The following ST8SIA2 variants were observed in gnomAD, a reference collection of about 807,000 sequenced individuals.
ST8SIA2 encodes the protein ST8 alpha-N-acetyl-neuraminide alpha-2,8-sialyltransferase 2, also known as alpha-2,8-sialyltransferase 8B.
ST8SIA2 carries 22 observed loss-of-function variants against 37.6 expected under a neutral mutation model. The ratio of observed to expected loss-of-function variants is 0.58; its 90% CI spans 0.42 to 0.83. The LOEUF is 0.83. ST8SIA2 is among the 40% of genes least tolerant of loss of function. The pLI, the probability that ST8SIA2 is intolerant of heterozygous loss-of-function variation, is 0.00. For missense variants in ST8SIA2, 382 were observed against 484.7 expected (o/e 0.79, Z 1.99); for synonymous variants, 205 against 201.2 (o/e 1.02, Z -0.16).
rs183542291 is a variant in ST8SIA2, at chr15:92,407,488, A to G, written c.98+13326A>G. Among the ~76,000 whole-genome samples the G allele has an allele frequency of 3.3e-4, 50 of 152,304 alleles. 1 individual carries two copies. Among genetic ancestry groups the G allele is most frequent in the Admixed American group, 2.9e-3 (45 of 15,304 alleles). On this transcript the variant is annotated intron_variant, in intron 1 of 5. Coordinates refer to ENST00000268164, the MANE Select transcript of ST8SIA2 (RefSeq NM_006011.4). ...ATCAGCTGTGTCATTAAGCCCTCCAATGAGCTTGGCTGGGATGCGATCTTT... is the reference window on the plus strand; with the variant it reads ...ATCAGCTGTGTCATTAAGCCCTCCAGTGAGCTTGGCTGGGATGCGATCTTT...
chr15:92,459,843 C>T (rs1239386664), intron 5 of ST8SIA2, among the ~76,000 whole-genome samples: 1 of 152,226 alleles, frequency 6.6e-6, no homozygotes, highest in Non-Finnish European at 1.5e-5. Flanking sequence ...CCGCCCGCCT[C>T]AGCCTCTCAA....
In ST8SIA2 at chr15:92,444,922, G is replaced by A. The variant is rs772349659; in HGVS notation, c.835G>A (p.Val279Ile). 15 of 1,610,732 alleles carry A rather than the reference G, an allele frequency of 9.3e-6. No homozygotes were observed. Among genetic ancestry groups the A allele is most frequent in the African/African-American group, 1.3e-5 (1 of 74,934 alleles). ...AYPSLRLLHAVRGYWLTNKVH... is the reference protein window; with the variant it reads ...AYPSLRLLHAIRGYWLTNKVH... ...CCCCTCGCTGCGCCTGCTGCACGCC[G>A]TTCGCGGGTGAGCGGCCTCCCTACA... is the stretch of plus-strand genomic sequence containing the variant. Residue 279 changes from valine (V) to isoleucine (I), a missense_variant, in exon 5 of 6, where the codon GTT becomes ATT. Physicochemically the swap from Val to Ile is conservative, Grantham distance 29. Transcript: ENST00000268164.
intron 1 of ST8SIA2, among the ~76,000 whole-genome samples, chr15:92,427,469 C>G (rs112285577): frequency 1.4e-4 from 21 of 152,182 alleles, no homozygotes; most frequent in Non-Finnish European, 3.1e-4. Context: ...ATGAAAGAAA[C>G]TGGGTTTGGG....
At position 92,439,195 on chromosome 15, in the gene ST8SIA2, G is replaced by A. The variant is rs140001624; in HGVS notation, c.548+585G>A. ...AAATCTCCTGGGCTGGCCAGTTGTT[G>A]GTTCAAGTTTGCAAAACTCTTTGTA... On this transcript the variant is annotated intron_variant, in intron 4 of 5. Coordinates refer to ENST00000268164, the MANE Select transcript of ST8SIA2 (RefSeq NM_006011.4). 1.6e-3 allele frequency among the ~76,000 whole-genome samples: 211 copies of A among 129,266 alleles called. 1 individual carries two copies. The highest frequency in any genetic ancestry group is 6.9e-3 in the African/African-American group (200 of 28,782). 84.8% of individuals were successfully genotyped at this position (129,266 alleles called of 152,430 possible).
chr15:92,434,793 T>C (rs8035191), intron 3 of ST8SIA2, among the ~76,000 whole-genome samples: 100,952 of 152,180 alleles, frequency 0.66, 35,462 homozygotes, highest in African/African-American at 0.9. Context: ...CTGCTCCCTC[T>C]CTCAGCCCTT....
chr15:92,403,440 T>C (rs181243120), intron 1 of ST8SIA2, among the ~76,000 whole-genome samples: 49 of 152,344 alleles, frequency 3.2e-4, no homozygotes, highest in African/African-American at 1.2e-3. Context: ...AGACTCATCA[T>C]GTCAGATAGC....
chr15:92,435,629 G>C (rs1240428691), intron 3 of ST8SIA2, among the ~76,000 whole-genome samples: 1 of 152,096 alleles, frequency 6.6e-6, no homozygotes, highest in Non-Finnish European at 1.5e-5. Context: ...GCTTAGTTTT[G>C]GGACCTGTGC....
At chr15:92,434,080 G>T (rs1303234422) in intron 2 of ST8SIA2, among the ~76,000 whole-genome samples, 167 bp from the exon 3 acceptor site, 1 of 152,134 alleles carries the variant, frequency 6.6e-6, no homozygotes, top group Non-Finnish European at 1.5e-5. Flanking sequence ...CAGAGTTTCT[G>T]CATTACTGGA....
At chr15:92,460,121 A>C (rs1009573309) in intron 5 of ST8SIA2, among the ~76,000 whole-genome samples, 1 of 152,176 alleles carries the variant, frequency 6.6e-6, no homozygotes, top group African/African-American at 2.4e-5. Context: ...TGAGCTCCCC[A>C]GTCCCAATCA....
intron 3 of ST8SIA2, among the ~76,000 whole-genome samples, chr15:92,436,234 G>T (rs1176514958): frequency 3.9e-5 from 6 of 151,978 alleles, no homozygotes; most frequent in African/African-American, 1.5e-4. Context: ...TTTTAGAGGG[G>T]GTCACCATTC....
chr15:92,440,017 T>C (rs944421179), intron 4 of ST8SIA2, among the ~76,000 whole-genome samples: 2 of 152,172 alleles, frequency 1.3e-5, no homozygotes, highest in African/African-American at 2.4e-5. Flanking sequence ...TCACAAGTCA[T>C]GAGTCCCCAC....
intron 1 of ST8SIA2, among the ~76,000 whole-genome samples, chr15:92,404,581 GGAGGCC>G (rs2049494114): frequency 6.6e-6 from 1 of 151,738 alleles, no homozygotes; most frequent in Non-Finnish European, 1.5e-5. Flanking sequence ...CAACACTTTG[GGAGGCC>G]GAGGTGGGTG....
At chr15:92,434,565 A>G (rs1200983164) in intron 3 of ST8SIA2, among the ~76,000 whole-genome samples, 190 bp downstream of exon 3, 1 of 151,318 alleles carries the variant, frequency 6.6e-6, no homozygotes, top group African/African-American at 2.5e-5. Flanking sequence ...CAGCCTGTGT[A>G]TGTGGCGACT....
At chr15:92,406,284 T>A (rs1208669579) in intron 1 of ST8SIA2, among the ~76,000 whole-genome samples, 3 of 152,190 alleles carry the variant, frequency 2.0e-5, no homozygotes, top group Admixed American at 1.3e-4. Context: ...AGTTTCTGTT[T>A]CCACAGGCCT....
intron 1 of ST8SIA2, among the ~76,000 whole-genome samples, chr15:92,416,544 A>G (rs2049588450): frequency 6.6e-6 from 1 of 152,098 alleles, no homozygotes; most frequent in African/African-American, 2.4e-5. Context: ...AACCCGGAGA[A>G]AGTGTTGCCA....
rs1285419834 is a variant in ST8SIA2 at position 92,430,103 on chromosome 15, A to G, written c.153A>G (p.Lys51=). 1 of 1,614,050 alleles carries G rather than the reference A, an allele frequency of 6.2e-7. No individual in the cohort carries two copies. Among genetic ancestry groups the G allele is most frequent in the South Asian group, 1.1e-5 (1 of 91,078 alleles). The change falls in exon 2 of 6, where the codon AAA becomes AAG. Residue 51 remains lysine (K), a synonymous_variant. Coordinates refer to ENST00000268164, the MANE Select transcript of ST8SIA2 (RefSeq NM_006011.4). ...CAGCTGTGAACAGCTTACATAGCAA[A>G]TCTAATAGGTTTGTAAATTAGATTT... ...IRSAVNSLHS[K]SNRAEVVING...
At chr15:92,424,229 C>A (rs2049657684) in intron 1 of ST8SIA2, among the ~76,000 whole-genome samples, 1 of 152,156 alleles carries the variant, frequency 6.6e-6, no homozygotes, top group Non-Finnish European at 1.5e-5. Context: ...CCTGACTCTC[C>A]CATGAGAAAC....
chr15:92,462,394 G>C (rs1311222729), intron 5 of ST8SIA2, among the ~76,000 whole-genome samples: 1 of 152,128 alleles, frequency 6.6e-6, no homozygotes, highest in Non-Finnish European at 1.5e-5. Context: ...ATTTAAGGTC[G>C]ACACTGTGGG....
chr15:92,427,207 AGTTT>A (rs951486418), intron 1 of ST8SIA2, among the ~76,000 whole-genome samples: 16 of 148,304 alleles, frequency 1.1e-4, no homozygotes, highest in African/African-American at 3.5e-4. Context: ...ATATATACAC[AGTTT>A]GTTTGTCTAT....
Sources: allele counts gnomAD v4.1 joint callset (sites outside exome capture counted in the v4.1 genomes callset), GRCh38; gene constraint gnomAD v4.1.1; transcripts MANE v1.5; gene names NCBI Gene and HGNC (gene_info 2026-07-23, HGNC 2026-07-21).